The following TBC1D12 variants were observed in gnomAD, a reference collection of about 807,000 sequenced individuals.
TBC1D12 encodes the protein TBC1 domain family, member 12.
Under a neutral mutation model 86.7 loss-of-function variants are expected in TBC1D12, and 56 were observed. That is an observed-to-expected ratio of 0.65 (90% CI 0.52 to 0.81). TBC1D12 has a LOEUF of 0.81. Among genes scored for constraint, TBC1D12 ranks in the 30% least tolerant of loss-of-function variants. The probability of loss-of-function intolerance (pLI) is 0.00; values close to 1 mark genes in which losing one functional copy is unlikely to be tolerated. For missense variants in TBC1D12, 1,023 were observed against 1,038.8 expected, an observed-to-expected ratio of 0.98 and a Z score of 0.21; for synonymous variants, 421 against 411.7, an observed-to-expected ratio of 1.02 and a Z score of -0.27.
At chr10:94,408,073 CTGTT>C (rs757340403) in intron 1 of TBC1D12, among the ~76,000 whole-genome samples, 19 of 152,184 alleles carry the variant, frequency 1.2e-4, no homozygotes, top group African/African-American at 3.6e-4. Flanking sequence ...TCATAGTTTT[CTGTT>C]TGTTTGTTTT....
chr10:94,496,061 C>G (rs1340053700), intron 4 of TBC1D12, among the ~76,000 whole-genome samples: 2 of 151,962 alleles, frequency 1.3e-5, no homozygotes, highest in Non-Finnish European at 2.9e-5. Context: ...AGAGATCGCA[C>G]CACTGCACTG....
rs1415758695 is a variant in TBC1D12 at position 94,531,469 on chromosome 10, A to G, written c.2259+9A>G. The stretch of plus-strand genomic sequence containing the variant: ...CCAAAAAATGGACTCAGGTAGAGTG[A>G]CATTTTCTTATCTTTAATAGATGTG... On this transcript the variant is annotated intron_variant, in intron 12 of 12. Coordinates refer to ENST00000225235, the MANE Select transcript of TBC1D12 (RefSeq NM_015188.2). The G allele has an allele frequency of 5.0e-6, 8 of 1,600,188 alleles. No individual in the cohort carries two copies. Among genetic ancestry groups the G allele is most frequent in the East Asian group, 2.2e-5 (1 of 44,600 alleles).
At chr10:94,531,164 T>A (rs1266375821) in intron 11 of TBC1D12, 38 bp from the exon 12 acceptor site, 4 of 1,588,214 alleles carry the variant, frequency 2.5e-6, no homozygotes, top group African/African-American at 1.3e-5. Flanking sequence ...AGTCAATGAA[T>A]GAAAAATTTC....
intron 2 of TBC1D12, among the ~76,000 whole-genome samples, chr10:94,454,976 T>G (rs1005236767): frequency 6.6e-6 from 1 of 152,218 alleles, no homozygotes; most frequent in Non-Finnish European, 1.5e-5. Context: ...AGAGACAGCT[T>G]CTAGTTTCTC....
At chr10:94,486,139 CTT>C (rs1282522464) in intron 3 of TBC1D12, among the ~76,000 whole-genome samples, 3 of 108,422 alleles carry the variant, frequency 2.8e-5, no homozygotes, top group African/African-American at 7.1e-5. Flanking sequence ...TCTTCTTCTT[CTT>C]TTTTTTTTTT....
intron 2 of TBC1D12, among the ~76,000 whole-genome samples, chr10:94,442,366 A>G (rs2055395641): frequency 6.6e-6 from 1 of 152,100 alleles, no homozygotes; most frequent in African/African-American, 2.4e-5. Context: ...TGTCAGTGGC[A>G]CAGATGTTCT....
chr10:94,437,996 T>C, intron 1 of TBC1D12, among the ~76,000 whole-genome samples: 2 of 140,368 alleles, frequency 1.4e-5, no homozygotes, highest in Non-Finnish European at 3.1e-5. Flanking sequence ...TGGAGCTTTT[T>C]TTTTTTTTTT....
chr10:94,403,544 C>A lies in TBC1D12; in HGVS notation c.931C>A (p.Arg311=). ...GCAGGGTCCTGCGGGGGCTTCGGCC[C>A]GGGCTCGACGGAGTGGCGGCTTCGC... ...AEQGPAGASA[R]ARRSGGFADF... Residue 311 remains arginine (R), a synonymous_variant, in exon 1 of 13, where the codon CGG becomes AGG. Transcript: ENST00000225235. 1.3e-6 allele frequency: 2 copies of A among 1,506,724 alleles called. No homozygotes were observed. Among genetic ancestry groups the A allele is most frequent in the Non-Finnish European group, 1.8e-6 (2 of 1,138,224 alleles). The allele number at this position is 1,506,724 out of a possible 1,614,324, so 93.3% of individuals were successfully genotyped here. A position where few individuals can be genotyped will look rare whatever the true frequency, so the allele number is the denominator to read the frequency against.
At chr10:94,458,359 A>G (rs1387966463) in intron 2 of TBC1D12, among the ~76,000 whole-genome samples, 1 of 152,186 alleles carries the variant, frequency 6.6e-6, no homozygotes, top group Non-Finnish European at 1.5e-5. Context: ...CTCTCATTAG[A>G]TGTAGCCCCT....
In TBC1D12 at chr10:94,402,562, C is replaced by T; in HGVS notation, c.-52C>T. 6.3e-7 allele frequency: 1 copy of T among 1,597,538 alleles called. No individual in the cohort carries two copies. The highest frequency in any genetic ancestry group is 8.5e-7 in the Non-Finnish European group (1 of 1,171,762). On this transcript the variant is annotated 5_prime_UTR_variant, in exon 1 of 13. Coordinates refer to ENST00000225235, the MANE Select transcript of TBC1D12 (RefSeq NM_015188.2). ...ACCCAGAGCTGTTCTCTGGCCAAGC[C>T]TGCGCCTGTAGTCCTTCTTTGCCTC...
chr10:94,507,142 C>G, intron 6 of TBC1D12, 125 bp from the exon 7 acceptor site: 1 of 858,436 alleles, frequency 1.2e-6, no homozygotes. Flanking sequence ...TTAGATTTGC[C>G]ACTTTTTTGA....
intron 6 of TBC1D12, among the ~76,000 whole-genome samples, chr10:94,501,805 C>T (rs1009880700): frequency 2.6e-5 from 4 of 151,860 alleles, no homozygotes; most frequent in African/African-American, 2.4e-5. Context: ...GCCTCAGCCT[C>T]CCAAAGTGCT....
At chr10:94,485,680 C>A (rs1361313093) in intron 3 of TBC1D12, among the ~76,000 whole-genome samples, 6 of 150,514 alleles carry the variant, frequency 4.0e-5, no homozygotes, top group Admixed American at 3.4e-4. Context: ...CAGTTCAATT[C>A]TTCTTTAAAT....
At chr10:94,465,645 TA>T (rs774961028) in intron 2 of TBC1D12, among the ~76,000 whole-genome samples, 1,786 of 131,184 alleles carry the variant, frequency 0.014, 43 homozygotes, top group African/African-American at 0.049. Context: ...GACTCTTGCC[TA>T]AAAAAAAAAA....
chr10:94,443,024 C>A (rs1205822135), intron 2 of TBC1D12, among the ~76,000 whole-genome samples: 1 of 152,106 alleles, frequency 6.6e-6, no homozygotes, highest in African/African-American at 2.4e-5. Context: ...ACACACTATG[C>A]TTTTAGAACC....
intron 2 of TBC1D12, among the ~76,000 whole-genome samples, chr10:94,454,937 G>A (rs560275623): frequency 2.0e-5 from 3 of 152,128 alleles, no homozygotes; most frequent in Non-Finnish European, 4.4e-5. Context: ...TGGTGAGCGG[G>A]GATATCCTCG....
At chr10:94,518,713 C>A (rs895846715) in intron 9 of TBC1D12, among the ~76,000 whole-genome samples, 1 of 152,092 alleles carries the variant, frequency 6.6e-6, no homozygotes, top group Admixed American at 6.6e-5. Flanking sequence ...TTCTTATTTT[C>A]TTTTCATATA....
At position 94,437,768 on chromosome 10, in the gene TBC1D12, A is replaced by T. The variant is rs117307150; in HGVS notation, c.972-4128A>T. ...GGACAGTTTCAATTTTCTTATCATC[A>T]TATTTGCCAGCTCTTTCTTCTGCCT... On this transcript the variant is annotated intron_variant, in intron 1 of 12. Transcript: ENST00000225235. Among the ~76,000 whole-genome samples the T allele has an allele frequency of 1.5e-3, 234 of 151,810 alleles. 1 individual carries two copies. Among genetic ancestry groups the T allele is most frequent in the Non-Finnish European group, 2.7e-3 (186 of 67,930 alleles).
chr10:94,532,911 CG>C (rs1842467602), intron 12 of TBC1D12, 116 bp from the exon 13 acceptor site: 1 of 558,936 alleles, frequency 1.8e-6, no homozygotes. Flanking sequence ...GACACACTTT[CG>C]GGGACAGTGT....
Sources: allele counts gnomAD v4.1 joint callset (sites outside exome capture counted in the v4.1 genomes callset), GRCh38; gene constraint gnomAD v4.1.1; transcripts MANE v1.5; gene names NCBI Gene and HGNC (gene_info 2026-07-23, HGNC 2026-07-21).